The following PLCB1 variants were observed in gnomAD, a reference collection of about 807,000 sequenced individuals.
PLCB1 encodes phospholipase C beta 1, also known as 1-phosphatidylinositol 4,5-bisphosphate phosphodiesterase beta-1.
In PLCB1, 46 loss-of-function variants were observed where a neutral mutation model predicts 161.8. The observed-to-expected ratio is 0.28, with a 90% confidence interval of 0.22 to 0.36. The LOEUF (loss-of-function observed/expected upper bound fraction) is 0.36, where lower values mean the gene tolerates loss of function less well. Among genes scored for constraint, PLCB1 ranks in the 10% least tolerant of loss-of-function variants. The pLI, the probability that PLCB1 is intolerant of heterozygous loss-of-function variation, is 1.00. For missense variants in PLCB1, 1,016 were observed against 1,472.5 expected (o/e 0.69, Z 5.07); for synonymous variants, 517 against 503.7 (o/e 1.03, Z -0.35).
intron 23 of PLCB1, among the ~76,000 whole-genome samples, chr20:8,753,881 C>T (rs1275955851): frequency 6.6e-6 from 1 of 152,316 alleles, no homozygotes; most frequent in East Asian, 1.9e-4. Flanking sequence ...TCACTTTGCC[C>T]TATTGCATTA....
chr20:8,651,392 A>G (rs1285671208), intron 7 of PLCB1: 7 of 714,110 alleles, frequency 9.8e-6, no homozygotes, highest in Admixed American at 2.0e-5. Flanking sequence ...GCACCTCTTC[A>G]CTATCACCTT....
chr20:8,376,650 C>T (rs558272907), intron 3 of PLCB1, among the ~76,000 whole-genome samples: 281 of 152,188 alleles, frequency 1.8e-3, no homozygotes, highest in Middle Eastern at 6.8e-3. Context: ...AGAAATCAGC[C>T]GGGCGCAGTG....
At chr20:8,352,296 G>A (rs188175709) in intron 2 of PLCB1, among the ~76,000 whole-genome samples, 1 of 152,126 alleles carries the variant, frequency 6.6e-6, no homozygotes, top group Non-Finnish European at 1.5e-5. Flanking sequence ...CCATAGAGAG[G>A]GTTTTCAGAT....
chr20:8,708,236 G>C (rs990214035), intron 11 of PLCB1, among the ~76,000 whole-genome samples: 2 of 152,146 alleles, frequency 1.3e-5, no homozygotes, highest in African/African-American at 2.4e-5. Flanking sequence ...AGTATATACT[G>C]TAATTAAAAC....
intron 3 of PLCB1, among the ~76,000 whole-genome samples, chr20:8,484,754 C>G (rs1180713570): frequency 6.6e-6 from 1 of 152,182 alleles, no homozygotes; most frequent in Non-Finnish European, 1.5e-5. Context: ...GTGTCATCTC[C>G]TTTTGCTTTC....
At chr20:8,591,902 T>C (rs1026545199) in intron 3 of PLCB1, among the ~76,000 whole-genome samples, 2 of 152,194 alleles carry the variant, frequency 1.3e-5, no homozygotes, top group Non-Finnish European at 2.9e-5. Context: ...ATATCTGAAA[T>C]GCTCAGGACC....
rs139436771 is a variant in PLCB1, at chr20:8,712,164, G to A, written c.1250+3412G>A. ...ACAAATACAAAACAGGTGTTATGGC[G>A]GGTGCCTACAGTCCCAGTTACTCAG... On this transcript the variant is annotated intron_variant, in intron 12 of 31. Transcript: ENST00000338037. Among the ~76,000 whole-genome samples, 554 of 152,082 alleles carry A rather than the reference G, an allele frequency of 3.6e-3. 8 individuals carry two copies. The highest frequency in any genetic ancestry group is 0.013 in the African/African-American group (522 of 41,514).
At chr20:8,318,101 T>C (rs1179139602) in intron 2 of PLCB1, among the ~76,000 whole-genome samples, 1 of 151,996 alleles carries the variant, frequency 6.6e-6, no homozygotes, top group Non-Finnish European at 1.5e-5. Flanking sequence ...CAACCAGATA[T>C]TATTTCTCTT....
chr20:8,826,542 G>A (rs1985716043), intron 31 of PLCB1, among the ~76,000 whole-genome samples: 1 of 151,716 alleles, frequency 6.6e-6, no homozygotes, highest in East Asian at 1.9e-4. Context: ...ATGGAGCCAT[G>A]GAGAGTTTTC....
intron 2 of PLCB1, among the ~76,000 whole-genome samples, chr20:8,253,438 A>C (rs560140609): frequency 1.3e-5 from 2 of 152,078 alleles, no homozygotes; most frequent in East Asian, 3.9e-4. Context: ...CGAGACTGAC[A>C]TATTTATCCT....
At chr20:8,499,468 T>C (rs1983313754) in intron 3 of PLCB1, among the ~76,000 whole-genome samples, 1 of 152,174 alleles carries the variant, frequency 6.6e-6, no homozygotes, top group African/African-American at 2.4e-5. Context: ...TATACAGAAT[T>C]AGTGCCAATG....
intron 3 of PLCB1, among the ~76,000 whole-genome samples, chr20:8,588,972 G>A (rs548157942): frequency 8.5e-5 from 13 of 152,172 alleles, no homozygotes; most frequent in African/African-American, 3.1e-4. Context: ...AACACATATC[G>A]GACAAGACAA....
intron 3 of PLCB1, among the ~76,000 whole-genome samples, chr20:8,431,369 T>G (rs1216375635): frequency 1.3e-5 from 2 of 152,194 alleles, no homozygotes; most frequent in Non-Finnish European, 2.9e-5. Context: ...AACACCAACC[T>G]TTTTTGCTTT....
At chr20:8,832,505 A>G (rs1258687505) in intron 31 of PLCB1, among the ~76,000 whole-genome samples, 1 of 152,230 alleles carries the variant, frequency 6.6e-6, no homozygotes, top group Non-Finnish European at 1.5e-5. Context: ...ATCTCTTCGC[A>G]TGTCCTTGTT....
intron 11 of PLCB1, among the ~76,000 whole-genome samples, chr20:8,706,030 C>T (rs1978651184): frequency 1.3e-5 from 2 of 152,198 alleles, no homozygotes; most frequent in Admixed American, 6.5e-5. Flanking sequence ...CTAGGTTTTG[C>T]TGCAATAAGA....
intron 3 of PLCB1, among the ~76,000 whole-genome samples, chr20:8,475,177 G>A (rs1982221562): frequency 2.0e-5 from 3 of 152,108 alleles, no homozygotes; most frequent in South Asian, 4.1e-4. Context: ...TATGTTATGT[G>A]GTACCCAAGA....
At chr20:8,824,042 C>T (rs796176056) in intron 31 of PLCB1, among the ~76,000 whole-genome samples, 2 of 152,252 alleles carry the variant, frequency 1.3e-5, no homozygotes, top group African/African-American at 4.8e-5. Flanking sequence ...AACATCTTAT[C>T]TCCTTGCTTG....
intron 3 of PLCB1, among the ~76,000 whole-genome samples, chr20:8,607,564 A>G (rs1465832775): frequency 2.0e-5 from 3 of 151,964 alleles, no homozygotes; most frequent in Non-Finnish European, 2.9e-5. Flanking sequence ...ACCTCCTGGA[A>G]CTTTCTTCTC....
intron 3 of PLCB1, among the ~76,000 whole-genome samples, chr20:8,390,637 C>T (rs1987559732): frequency 1.3e-5 from 2 of 152,122 alleles, no homozygotes; most frequent in Non-Finnish European, 2.9e-5. Flanking sequence ...GATAAAACTG[C>T]ATAGTCAGAA....
Sources: allele counts gnomAD v4.1 joint callset (sites outside exome capture counted in the v4.1 genomes callset), GRCh38; gene constraint gnomAD v4.1.1; transcripts MANE v1.5; gene names NCBI Gene and HGNC (gene_info 2026-07-23, HGNC 2026-07-21).